ZNF277: variants seen among roughly 807,000 people sequenced by gnomAD.
ZNF277 encodes the protein zinc finger protein 277.
Under a neutral mutation model 60.7 loss-of-function variants are expected in ZNF277, and 55 were observed. The ratio of observed to expected loss-of-function variants is 0.91; its 90% confidence interval spans 0.73 to 1.13. The LOEUF (loss-of-function observed/expected upper bound fraction) is 1.13. ZNF277 is among the 50% of genes most tolerant of loss of function. The pLI is 0.00. For synonymous variants in ZNF277, 178 were observed against 179.3 expected (o/e 0.99, Z 0.06); for missense variants, 510 against 523.0 (o/e 0.98, Z 0.24).
At chr7:112,333,149 A>ATT (rs199916784) in intron 7 of ZNF277, among the ~76,000 whole-genome samples, 106 of 149,158 alleles carry the variant, frequency 7.1e-4, no homozygotes, top group African/African-American at 2.6e-3. Context: ...ACAATACTTT[A>ATT]TTTAAAAAAA....
intron 1 of ZNF277, among the ~76,000 whole-genome samples, chr7:112,234,758 TA>T (rs1254930102): frequency 6.6e-6 from 1 of 151,834 alleles, no homozygotes; most frequent in African/African-American, 2.4e-5. Context: ...CAAATTATTA[TA>T]TTTTTATTTG....
At chr7:112,266,555 CTT>C (rs143553569) in intron 1 of ZNF277, among the ~76,000 whole-genome samples, 1 of 148,910 alleles carries the variant, frequency 6.7e-6, no homozygotes, top group African/African-American at 2.5e-5. Flanking sequence ...AAAATGAAGA[CTT>C]TTTTTTTTGA....
rs549676996 is a variant in ZNF277, at chr7:112,261,241, C to A, written c.92-25632C>A. ...TGGTGTCATCAGCTTCAACCAGGTG[C>A]ATAAGTGATGGAAATGAAGTTTCAG... On this transcript the variant is annotated intron_variant, in intron 1 of 11. Coordinates refer to ENST00000361822, the MANE Select transcript of ZNF277 (RefSeq NM_021994.3). 2.0e-5 allele frequency among the ~76,000 whole-genome samples: 3 copies of A among 152,304 alleles called. No homozygotes were observed. In the East Asian group the frequency reaches 5.8e-4, roughly 29 times the overall value.
intron 1 of ZNF277, among the ~76,000 whole-genome samples, chr7:112,265,095 T>C (rs528208052): frequency 6.6e-6 from 1 of 152,334 alleles, no homozygotes; most frequent in South Asian, 2.1e-4. Flanking sequence ...ATTTGTGCGT[T>C]CAGTGGAGTA....
chr7:112,268,534 C>T (rs1791598319), intron 1 of ZNF277, among the ~76,000 whole-genome samples: 1 of 151,802 alleles, frequency 6.6e-6, no homozygotes, highest in Non-Finnish European at 1.5e-5. Flanking sequence ...CATTAGCCCA[C>T]ATAGGATCAT....
At chr7:112,217,780 C>T (rs946264166) in intron 1 of ZNF277, among the ~76,000 whole-genome samples, 1 of 152,160 alleles carries the variant, frequency 6.6e-6, no homozygotes, top group Non-Finnish European at 1.5e-5. Flanking sequence ...TCTAAACCTC[C>T]TCAGTTGTTC....
At chr7:112,214,261 G>A (rs1011907005) in intron 1 of ZNF277, among the ~76,000 whole-genome samples, 2 of 152,174 alleles carry the variant, frequency 1.3e-5, no homozygotes, top group South Asian at 2.1e-4. Flanking sequence ...TATAAATCAC[G>A]AGTATATAGA....
intron 1 of ZNF277, among the ~76,000 whole-genome samples, chr7:112,274,646 T>A (rs1178604955): frequency 1.3e-5 from 2 of 152,232 alleles, no homozygotes; most frequent in Middle Eastern, 3.2e-3. Context: ...AATTTATGAT[T>A]CTATGTAAAA....
intron 4 of ZNF277, among the ~76,000 whole-genome samples, chr7:112,300,409 G>A (rs1488725841): frequency 1.3e-5 from 2 of 152,102 alleles, no homozygotes; most frequent in Admixed American, 1.3e-4. Context: ...CCGTGATCTT[G>A]GTGCATCATC....
At chr7:112,266,622 C>T (rs1791558016) in intron 1 of ZNF277, among the ~76,000 whole-genome samples, 1 of 151,988 alleles carries the variant, frequency 6.6e-6, no homozygotes, top group African/African-American at 2.4e-5. Context: ...TACTGAAAGA[C>T]CTCACCAGCA....
intron 1 of ZNF277, among the ~76,000 whole-genome samples, chr7:112,221,489 A>T (rs1012586459): frequency 3.9e-5 from 6 of 152,198 alleles, no homozygotes; most frequent in African/African-American, 1.4e-4. Flanking sequence ...GTTTTTCCAC[A>T]GACTGGGTTT....
intron 1 of ZNF277, among the ~76,000 whole-genome samples, chr7:112,256,972 A>C (rs1791327533): frequency 6.6e-6 from 1 of 152,214 alleles, no homozygotes; most frequent in Non-Finnish European, 1.5e-5. Context: ...TCCATGGGAA[A>C]TGGATTATAA....
intron 5 of ZNF277, among the ~76,000 whole-genome samples, chr7:112,327,207 C>T (rs949909033): frequency 2.0e-5 from 3 of 152,126 alleles, no homozygotes; most frequent in South Asian, 4.1e-4. Flanking sequence ...CTTTTTGGCA[C>T]CAGGGACCAG....
intron 1 of ZNF277, among the ~76,000 whole-genome samples, chr7:112,285,014 T>C (rs1329418462): frequency 6.6e-6 from 1 of 152,106 alleles, no homozygotes; most frequent in Non-Finnish European, 1.5e-5. Flanking sequence ...TGCTGCCCTC[T>C]TACATTGCTT....
chr7:112,341,207 CT>C, intron 11 of ZNF277, 161 bp downstream of exon 11: 1 of 566,180 alleles, frequency 1.8e-6, no homozygotes, highest in Non-Finnish European at 2.7e-6. Context: ...ATTCAAAATG[CT>C]TATTTTTAAA....
intron 4 of ZNF277, among the ~76,000 whole-genome samples, chr7:112,317,744 A>G (rs1236599865): frequency 6.6e-6 from 1 of 152,090 alleles, no homozygotes; most frequent in Non-Finnish European, 1.5e-5. Flanking sequence ...ATGACTAAAA[A>G]CTGAACTCAG....
chr7:112,238,250 G>A (rs925777994), intron 1 of ZNF277, among the ~76,000 whole-genome samples: 1 of 152,226 alleles, frequency 6.6e-6, no homozygotes, highest in Non-Finnish European at 1.5e-5. Context: ...TTAGGGGAGG[G>A]AGAGCGCAGT....
At chr7:112,330,287 A>G (rs11773393) in intron 7 of ZNF277, 71 bp downstream of exon 7, 237,377 of 1,472,854 alleles carry the variant, frequency 0.16, 19,938 homozygotes, top group African/African-American at 0.24. Context: ...AGGACCAACT[A>G]ATATTTGAAT....
At chr7:112,238,371 C>A (rs1790857816) in intron 1 of ZNF277, among the ~76,000 whole-genome samples, 1 of 152,204 alleles carries the variant, frequency 6.6e-6, no homozygotes. Context: ...AGCCCTATAG[C>A]TAGGGGGAAC....
Sources: gnomAD v4.1 joint callset for allele counts (sites outside exome capture counted in the v4.1 genomes callset) on GRCh38, gnomAD v4.1.1 for gene constraint, MANE v1.5 for transcripts, NCBI Gene and HGNC (gene_info 2026-07-23, HGNC 2026-07-21) for gene names.